Variants in MAST4 observed in about 807,000 individuals in gnomAD.
MAST4 encodes the protein microtubule associated serine/threonine kinase family member 4.
Under a neutral mutation model 162.7 loss-of-function variants are expected in MAST4, and 89 were observed. That is an observed-to-expected ratio of 0.55 (90% CI 0.46 to 0.65). MAST4 has a LOEUF of 0.65. Among genes scored for constraint, MAST4 ranks in the 30% least tolerant of loss-of-function variants. MAST4 has a pLI of 0.00. For missense variants in MAST4, 3,153 were observed against 3,374.0 expected, an observed-to-expected ratio of 0.93 and a Z score of 1.62; for synonymous variants, 1,479 against 1,361.1, an observed-to-expected ratio of 1.09 and a Z score of -1.91.
intron 14 of MAST4, among the ~76,000 whole-genome samples, chr5:67,123,024 A>C (rs1383777810): frequency 1.3e-5 from 2 of 152,132 alleles, no homozygotes; most frequent in Admixed American, 6.6e-5. Flanking sequence ...AATAATCTTT[A>C]ATTTGAAATT....
chr5:66,718,388 T>A (rs1052499785), intron 1 of MAST4, among the ~76,000 whole-genome samples: 6 of 152,064 alleles, frequency 3.9e-5, no homozygotes, highest in Non-Finnish European at 7.4e-5. Flanking sequence ...TATGGTGAAG[T>A]CTCTTTTGGT....
intron 3 of MAST4, among the ~76,000 whole-genome samples, chr5:66,800,931 A>G (rs1561340385): frequency 6.6e-6 from 1 of 152,122 alleles, no homozygotes; most frequent in Non-Finnish European, 1.5e-5. Context: ...GTATACTACT[A>G]CCACACTACC....
intron 1 of MAST4, among the ~76,000 whole-genome samples, chr5:66,628,378 AATAAGGTC>A (rs1224562836): frequency 3.3e-5 from 5 of 151,298 alleles, no homozygotes; most frequent in Admixed American, 3.3e-4. Flanking sequence ...AGAACTGTAA[AATAAGGTC>A]ATTGTGAGTA....
Position 66,609,825 on chromosome 5 carries a change from G to A in MAST4, c.363+12807G>A, listed in dbSNP as rs111651126. Among the ~76,000 whole-genome samples the A allele has an allele frequency of 6.9e-3, 1,050 of 151,302 alleles. 8 individuals carry two copies. Among genetic ancestry groups the A allele is most frequent in the African/African-American group, 0.024 (1,006 of 41,250 alleles). ...GTCAGTTTGGAACTTGGAGTGTATA[G>A]TACCATACACTTCACACCCAAAACT... is the stretch of plus-strand genomic sequence containing the variant. On this transcript the variant is annotated intron_variant, in intron 1 of 28. Transcript: ENST00000403625.
rs752686707 is a variant in MAST4 at position 66,596,950 on chromosome 5, C to T, written c.295C>T (p.Leu99Phe). Residue 99 changes from leucine (L) to phenylalanine (F), a missense_variant, in exon 1 of 29, where the codon CTT becomes TTT. By Grantham distance (22) the Leu-to-Phe change is conservative. Coordinates refer to ENST00000403625, the MANE Select transcript of MAST4 (RefSeq NM_001164664.2). ...ERGVLALPPPLPGGAVPPAPR... is the reference protein window; with the variant it reads ...ERGVLALPPPFPGGAVPPAPR... ...CGGAGTCCTTGCGCTGCCGCCGCCG[C>T]TTCCCGGAGGAGCTGTGCCGCCCGC... 6 of 1,406,732 alleles carry T rather than the reference C, an allele frequency of 4.3e-6. No individual in the cohort carries two copies. Among genetic ancestry groups the T allele is most frequent in the South Asian group, 3.1e-5 (2 of 64,980 alleles). The allele number at this position is 1,406,732 out of a possible 1,614,324, so 87.1% of individuals were successfully genotyped here. A position where few individuals can be genotyped will look rare whatever the true frequency, so the allele number is the denominator to read the frequency against.
intron 4 of MAST4, chr5:66,963,659 T>C (rs1254760165): frequency 1.3e-6 from 1 of 778,618 alleles, no homozygotes; most frequent in Non-Finnish European, 2.4e-6. Flanking sequence ...ATGCTATTTT[T>C]ACTGCAATCA....
At chr5:66,671,828 T>C (rs953235163) in intron 1 of MAST4, among the ~76,000 whole-genome samples, 1 of 152,186 alleles carries the variant, frequency 6.6e-6, no homozygotes, top group African/African-American at 2.4e-5. Flanking sequence ...ACCAACTAAT[T>C]CACTCACTCT....
At chr5:66,846,825 T>C (rs1758889865) in intron 3 of MAST4, among the ~76,000 whole-genome samples, 1 of 152,182 alleles carries the variant, frequency 6.6e-6, no homozygotes, top group Admixed American at 6.5e-5. Flanking sequence ...GGAGGTAAAA[T>C]GGTGTCTGGA....
In MAST4 at chr5:67,087,180, T is replaced by C. The variant is rs1446821432; in HGVS notation, c.764-2982T>C. ...TCCATTTCTCTCCCAAAATTTCCTATTAGAGGGTCAGTCATTTTCCCAATC... is the reference window on the plus strand; with the variant it reads ...TCCATTTCTCTCCCAAAATTTCCTACTAGAGGGTCAGTCATTTTCCCAATC... On this transcript the variant is annotated intron_variant, in intron 5 of 28. Coordinates refer to ENST00000403625, the MANE Select transcript of MAST4 (RefSeq NM_001164664.2). 2.0e-5 allele frequency among the ~76,000 whole-genome samples: 3 copies of C among 152,184 alleles called. No individual in the cohort carries two copies. In the East Asian group the frequency reaches 5.8e-4, roughly 29 times the overall value.
chr5:66,771,843 T>C (rs1754373938), intron 2 of MAST4, among the ~76,000 whole-genome samples: 1 of 152,040 alleles, frequency 6.6e-6, no homozygotes, highest in Admixed American at 6.6e-5. Flanking sequence ...TGCTTTTTAG[T>C]TTTGTCTTTT....
intron 3 of MAST4, among the ~76,000 whole-genome samples, chr5:66,857,478 G>T (rs868289341): frequency 6.6e-6 from 1 of 152,188 alleles, no homozygotes; most frequent in Non-Finnish European, 1.5e-5. Flanking sequence ...AATGGATATT[G>T]CAGTAAACTT....
At position 67,109,941 on chromosome 5, in the gene MAST4, A is replaced by G. The variant is rs375741335; in HGVS notation, c.1357-157A>G. 7.2e-5 allele frequency among the ~76,000 whole-genome samples: 11 copies of G among 152,364 alleles called. No homozygotes were observed. In the East Asian group the frequency reaches 1.2e-3, roughly 16 times the overall value. ...TAGGCGTTTAATAGTGTCCATTTATATACAGATAATGTCTGTTTATCAATC... is the reference window on the plus strand; with the variant it reads ...TAGGCGTTTAATAGTGTCCATTTATGTACAGATAATGTCTGTTTATCAATC... On this transcript the variant is annotated intron_variant, in intron 10 of 28. Coordinates refer to ENST00000403625, the MANE Select transcript of MAST4 (RefSeq NM_001164664.2).
At chr5:66,937,070 C>A (rs780361872) in intron 4 of MAST4, among the ~76,000 whole-genome samples, 13 of 152,142 alleles carry the variant, frequency 8.5e-5, no homozygotes, top group Admixed American at 4.6e-4. Flanking sequence ...GGACAAGAAT[C>A]CAGGCTTTAC....
intron 4 of MAST4, among the ~76,000 whole-genome samples, chr5:66,973,614 A>C (rs1747741566): frequency 6.6e-6 from 1 of 152,126 alleles, no homozygotes; most frequent in Non-Finnish European, 1.5e-5. Context: ...CTCTGGGGTA[A>C]AATTTTTAGT....
Position 67,162,726 on chromosome 5 carries a change from C to T in MAST4, c.3905C>T (p.Thr1302Ile). 1 of 1,613,866 alleles carries T rather than the reference C, an allele frequency of 6.2e-7. No individual in the cohort carries two copies. Among genetic ancestry groups the T allele is most frequent in the Non-Finnish European group, 8.5e-7 (1 of 1,179,870 alleles). ...SSGESLPGSP[T>I]HSLSPRSPTP... The stretch of plus-strand genomic sequence containing the variant: ...GGTGAGAGCCTCCCAGGTTCCCCCA[C>T]TCATAGCTTGTCTCCCCGGTCTCCA... Residue 1302 changes from threonine to isoleucine, a missense_variant, in exon 28 of 29, where the codon ACT becomes ATT. This residue lies in a region of MAST4 where 619 missense variants were observed against 744.2 expected (regional missense o/e 0.83). Coordinates refer to ENST00000403625, the MANE Select transcript of MAST4 (RefSeq NM_001164664.2).
intron 9 of MAST4, among the ~76,000 whole-genome samples, chr5:67,104,102 G>A (rs1765334859): frequency 1.3e-5 from 2 of 152,152 alleles, no homozygotes; most frequent in Non-Finnish European, 1.5e-5. Context: ...CATGTACCTG[G>A]GAAGGCTATG....
intron 1 of MAST4, among the ~76,000 whole-genome samples, chr5:66,675,640 C>T (rs536015196): frequency 1.3e-5 from 2 of 152,236 alleles, no homozygotes; most frequent in Non-Finnish European, 2.9e-5. Context: ...TGGCCAAGAA[C>T]ATCACGGGGA....
At chr5:66,866,782 G>A (rs569454681) in intron 3 of MAST4, among the ~76,000 whole-genome samples, 35 of 152,176 alleles carry the variant, frequency 2.3e-4, no homozygotes, top group Admixed American at 8.5e-4. Context: ...CCCGGGTCTC[G>A]CCCCATCATC....
intron 4 of MAST4, among the ~76,000 whole-genome samples, chr5:67,018,942 C>T (rs1753647709): frequency 6.6e-6 from 1 of 151,992 alleles, no homozygotes; most frequent in African/African-American, 2.4e-5. Context: ...AAAAATCACC[C>T]CAAATCCTGG....
Sources: allele counts gnomAD v4.1 joint callset (sites outside exome capture counted in the v4.1 genomes callset), GRCh38; gene constraint gnomAD v4.1.1; regional missense constraint gnomAD v4.1.1; transcripts MANE v1.5; gene names NCBI Gene and HGNC (gene_info 2026-07-23, HGNC 2026-07-21).